Variants in CUX2 observed in about 807,000 individuals in gnomAD.
CUX2 encodes the protein homeobox protein cut-like 2.
Under a neutral mutation model 144.8 loss-of-function variants are expected in CUX2, and 40 were observed. That is an observed-to-expected ratio of 0.28 (90% CI 0.21 to 0.36). CUX2 has a LOEUF of 0.36. Ranked by LOEUF, CUX2 falls within the 10% of genes least tolerant of loss-of-function variation. The probability of loss-of-function intolerance (pLI) is 1.00; values close to 1 mark genes in which losing one functional copy is unlikely to be tolerated. For synonymous variants in CUX2, 827 were observed against 875.6 expected (o/e 0.94, Z 0.98); for missense variants, 1,615 against 1,994.0 (o/e 0.81, Z 3.62).
intron 4 of CUX2, among the ~76,000 whole-genome samples, chr12:111,284,159 G>A (rs1267809311): frequency 6.6e-6 from 1 of 152,140 alleles, no homozygotes. Context: ...CATCCCAGCT[G>A]TAAGGGATAG....
At chr12:111,196,987 G>T (rs1880280388) in intron 1 of CUX2, among the ~76,000 whole-genome samples, 1 of 152,166 alleles carries the variant, frequency 6.6e-6, no homozygotes, top group African/African-American at 2.4e-5. Context: ...ATTGTGTCTA[G>T]ATGGTGCTCA....
At chr12:111,090,306 C>T (rs892032016) in intron 1 of CUX2, among the ~76,000 whole-genome samples, 1 of 152,200 alleles carries the variant, frequency 6.6e-6, no homozygotes, top group Non-Finnish European at 1.5e-5. Flanking sequence ...TGGAGTCTCT[C>T]GCTCTGGAGT....
chr12:111,139,048 G>A (rs1169712290), intron 1 of CUX2, among the ~76,000 whole-genome samples: 2 of 150,838 alleles, frequency 1.3e-5, no homozygotes, highest in Non-Finnish European at 2.9e-5. Flanking sequence ...CCCGACCCAA[G>A]ACAGAATCCC....
intron 1 of CUX2, among the ~76,000 whole-genome samples, chr12:111,167,691 TTTGTTTGTTTG>T (rs1878235622): frequency 6.7e-6 from 1 of 149,576 alleles, no homozygotes; most frequent in Admixed American, 6.7e-5. Context: ...TGTTTGTTTG[TTTGTTTGTTTG>T]TTTCTTTTTT....
intron 1 of CUX2, among the ~76,000 whole-genome samples, chr12:111,213,232 T>A (rs1316796016): frequency 1.3e-5 from 2 of 152,212 alleles, no homozygotes; most frequent in Non-Finnish European, 2.9e-5. Flanking sequence ...CATCTCGGGA[T>A]GGTGCAAGGA....
chr12:111,070,206 G>A lies in CUX2; in HGVS notation c.63+35966G>A, dbSNP rs777906311. On this transcript the variant is annotated intron_variant, in intron 1 of 21. Coordinates refer to ENST00000261726, the MANE Select transcript of CUX2 (RefSeq NM_015267.4). ...TATCCAGGGAGTGGGAGAAGGGAAT[G>A]GGTGTGCCTGAAGACATCCTGCCCA... 9.9e-5 allele frequency among the ~76,000 whole-genome samples: 15 copies of A among 152,170 alleles called. 1 individual carries two copies. Among genetic ancestry groups the A allele is most frequent in the Non-Finnish European group, 1.5e-4 (10 of 68,024 alleles).
rs1163637401 is a variant in CUX2 at position 111,307,844 on chromosome 12, G to A, written c.1110-441G>A. On this transcript the variant is annotated intron_variant, in intron 12 of 21. Coordinates refer to ENST00000261726, the MANE Select transcript of CUX2 (RefSeq NM_015267.4). This position sits in a 1 kb window ranked among gnomAD's most constrained non-coding sequence, Gnocchi z 4.1. ...CTAAAAATACAGAAATTAGCCAGGT[G>A]TGGTGGCGCTCACCTGTAGTCCCAG... 6.6e-6 allele frequency among the ~76,000 whole-genome samples: 1 copy of A among 152,226 alleles called. No individual in the cohort carries two copies. The highest frequency in any genetic ancestry group is 6.5e-5 in the Admixed American group (1 of 15,278).
chr12:111,183,967 A>G (rs1879352431), intron 1 of CUX2, among the ~76,000 whole-genome samples: 1 of 151,782 alleles, frequency 6.6e-6, no homozygotes, highest in South Asian at 2.1e-4. Flanking sequence ...ACCTATTGCC[A>G]CCCTCTTCTG....
At position 111,293,536 on chromosome 12, in the gene CUX2, C is replaced by G. The variant is rs772307363; in HGVS notation, c.527C>G (p.Thr176Ser). The change falls in exon 6 of 22, where the codon ACC becomes AGC. Residue 176 changes from threonine to serine, a missense_variant. Thr to Ser is a moderately conservative substitution (Grantham distance 58). Coordinates refer to ENST00000261726, the MANE Select transcript of CUX2 (RefSeq NM_015267.4). This position sits in a 1 kb window ranked among gnomAD's most constrained non-coding sequence, Gnocchi z 4.5. ...GIPGKALLTETLLQRNEAEKQ... is the reference protein window; with the variant it reads ...GIPGKALLTESLLQRNEAEKQ... The stretch of plus-strand genomic sequence containing the variant: ...CCCGGGAAAGCCCTCCTGACAGAAA[C>G]CTTGCTGCAGAGAAATGAGGCGGAA... The G allele has an allele frequency of 3.1e-6, 5 of 1,596,474 alleles. No individual in the cohort carries two copies. In the African/African-American group the frequency reaches 5.3e-5, roughly 17 times the overall value.
chr12:111,180,485 A>G (rs542468767), intron 1 of CUX2, among the ~76,000 whole-genome samples: 1 of 152,300 alleles, frequency 6.6e-6, no homozygotes, highest in African/African-American at 2.4e-5. Flanking sequence ...TGCAAAGGAG[A>G]ATTTGGGCCT....
chr12:111,196,014 T>C (rs1880217211), intron 1 of CUX2, among the ~76,000 whole-genome samples: 1 of 152,210 alleles, frequency 6.6e-6, no homozygotes, highest in Non-Finnish European at 1.5e-5. Context: ...TTCCAGTCAC[T>C]GTCTGATCCC....
At chr12:111,091,185 C>T (rs537511824) in intron 1 of CUX2, among the ~76,000 whole-genome samples, 1 of 152,338 alleles carries the variant, frequency 6.6e-6, no homozygotes, top group African/African-American at 2.4e-5. Context: ...AGTCAGTGTT[C>T]CCACTCCAGC....
At chr12:111,331,791 A>G (rs1312691811) in intron 18 of CUX2, among the ~76,000 whole-genome samples, 1 of 152,116 alleles carries the variant, frequency 6.6e-6, no homozygotes, top group Non-Finnish European at 1.5e-5. Flanking sequence ...TGAAAAATGA[A>G]AAATGGGCCC....
At chr12:111,053,402 C>T (rs1237544600) in intron 1 of CUX2, among the ~76,000 whole-genome samples, 1 of 152,172 alleles carries the variant, frequency 6.6e-6, no homozygotes, top group Non-Finnish European at 1.5e-5. Context: ...AAATCCTAAC[C>T]CACTTAATGC....
At chr12:111,052,132 C>T (rs1870298339) in intron 1 of CUX2, among the ~76,000 whole-genome samples, 1 of 152,122 alleles carries the variant, frequency 6.6e-6, no homozygotes, top group Non-Finnish European at 1.5e-5. Context: ...GGGTGACCTG[C>T]TCTCTCTGCC....
chr12:111,155,512 GAAA>G (rs922939610), intron 1 of CUX2, among the ~76,000 whole-genome samples: 1 of 152,270 alleles, frequency 6.6e-6, no homozygotes, highest in African/African-American at 2.4e-5. Context: ...CACTCCCAAT[GAAA>G]ATTGCAAAAT....
intron 3 of CUX2, among the ~76,000 whole-genome samples, chr12:111,228,180 A>G (rs1028180636): frequency 2.6e-5 from 4 of 152,188 alleles, no homozygotes; most frequent in African/African-American, 9.7e-5. Flanking sequence ...ATGCATACTT[A>G]CATCATGCAC....
intron 3 of CUX2, among the ~76,000 whole-genome samples, chr12:111,228,480 T>C (rs1422981666): frequency 6.6e-6 from 1 of 152,060 alleles, no homozygotes; most frequent in Admixed American, 6.6e-5. Flanking sequence ...TTGGAGTGCA[T>C]TGTTGCAATC....
intron 1 of CUX2, among the ~76,000 whole-genome samples, chr12:111,097,345 G>T (rs2136062824): frequency 6.6e-6 from 1 of 152,320 alleles, no homozygotes; most frequent in East Asian, 1.9e-4. Context: ...TCAATTTTGG[G>T]AAGTGTTTTG....
Sources: gnomAD v4.1 joint callset for allele counts (sites outside exome capture counted in the v4.1 genomes callset) on GRCh38, gnomAD v4.1.1 for gene constraint, Gnocchi (gnomAD v3.1) non-coding constraint, MANE v1.5 for transcripts, NCBI Gene and HGNC (gene_info 2026-07-23, HGNC 2026-07-21) for gene names.